Variants in PDE1C observed in about 807,000 individuals in gnomAD.
PDE1C encodes the protein phosphodiesterase 1C.
Under a neutral mutation model 93.1 loss-of-function variants are expected in PDE1C, and 62 were observed. That is an observed-to-expected ratio of 0.67 (90% CI 0.54 to 0.82). The LOEUF (loss-of-function observed/expected upper bound fraction) is 0.82, where lower values mean the gene tolerates loss of function less well. Among genes scored for constraint, PDE1C ranks in the 40% least tolerant of loss-of-function variants. The pLI, the probability that PDE1C is intolerant of heterozygous loss-of-function variation, is 0.00. For missense variants in PDE1C, 742 were observed against 884.6 expected, an observed-to-expected ratio of 0.84 and a Z score of 2.04; for synonymous variants, 325 against 310.1, an observed-to-expected ratio of 1.05 and a Z score of -0.50.
At chr7:32,104,286 G>GA (rs1397393670) in intron 3 of PDE1C, among the ~76,000 whole-genome samples, 2 of 152,052 alleles carry the variant, frequency 1.3e-5, no homozygotes, top group Non-Finnish European at 2.9e-5. Context: ...CAGAGAGGGT[G>GA]AAAAAAGTGC....
At chr7:31,644,010 A>C in the PDE1C span, 74 of 1,459,236 alleles carry the variant, frequency 5.1e-5, no homozygotes, top group Non-Finnish European at 6.4e-5. Flanking sequence ...TAAACACCTC[A>C]GGGATAATAT....
chr7:32,171,268 T>A (rs958731279), intron 2 of PDE1C, among the ~76,000 whole-genome samples: 4 of 152,100 alleles, frequency 2.6e-5, no homozygotes, highest in Admixed American at 2.0e-4. Flanking sequence ...GGAGAAAACA[T>A]TAGATAAACC....
At chr7:32,139,284 C>A (rs1464257991) in intron 3 of PDE1C, among the ~76,000 whole-genome samples, 1 of 146,042 alleles carries the variant, frequency 6.8e-6, no homozygotes, top group African/African-American at 2.5e-5. Context: ...TACAAGCAGG[C>A]AACACCAAAA....
At chr7:31,867,003 G>C (rs1795378451) in intron 6 of PDE1C, among the ~76,000 whole-genome samples, 1 of 152,006 alleles carries the variant, frequency 6.6e-6, no homozygotes, top group South Asian at 2.1e-4. Flanking sequence ...CTACAGCAAG[G>C]CACCATATTG....
At chr7:32,019,170 A>G (rs1584476059) in intron 2 of PDE1C, among the ~76,000 whole-genome samples, 3 of 151,544 alleles carry the variant, frequency 2.0e-5, no homozygotes, top group Admixed American at 2.0e-4. Flanking sequence ...AAAAAAAAAA[A>G]AGCAAACATG....
intron 1 of PDE1C, among the ~76,000 whole-genome samples, chr7:32,214,648 T>C (rs918961442): frequency 2.0e-5 from 3 of 152,230 alleles, no homozygotes; most frequent in Non-Finnish European, 4.4e-5. Flanking sequence ...TTCAGGATGC[T>C]GTTGCTTTGT....
At chr7:32,245,830 T>A (rs904761831) in intron 1 of PDE1C, among the ~76,000 whole-genome samples, 4 of 152,160 alleles carry the variant, frequency 2.6e-5, no homozygotes, top group African/African-American at 9.7e-5. Flanking sequence ...TAGCAAGCGC[T>A]CTGGGGTCTC....
intron 3 of PDE1C, chr7:32,077,863 T>A: frequency 1.0e-6 from 1 of 985,150 alleles, no homozygotes; most frequent in Non-Finnish European, 1.2e-6. Flanking sequence ...TTTATTATTA[T>A]TATTACCTCC....
At chr7:32,143,751 C>A (rs991202881) in intron 3 of PDE1C, among the ~76,000 whole-genome samples, 27 of 152,104 alleles carry the variant, frequency 1.8e-4, no homozygotes, top group South Asian at 1.2e-3. Context: ...TCTTTTTCTG[C>A]CAAATTTAGT....
the PDE1C span, among the ~76,000 whole-genome samples, chr7:31,657,473 G>A: frequency 5.9e-5 from 9 of 152,206 alleles, no homozygotes; most frequent in Non-Finnish European, 5.9e-5. Flanking sequence ...TCTGACGCTT[G>A]TAGTCAGGTA....
chr7:31,962,358 T>C (rs903203060), intron 2 of PDE1C, among the ~76,000 whole-genome samples: 2 of 152,200 alleles, frequency 1.3e-5, no homozygotes, highest in Non-Finnish European at 2.9e-5. Flanking sequence ...TTAGTGCTAC[T>C]TGCAACAGTT....
At chr7:32,104,482 G>C (rs1395483906) in intron 3 of PDE1C, among the ~76,000 whole-genome samples, 1 of 152,166 alleles carries the variant, frequency 6.6e-6, no homozygotes, top group Non-Finnish European at 1.5e-5. Context: ...AAAAAGAAAA[G>C]TATCCCTTTT....
intron 2 of PDE1C, among the ~76,000 whole-genome samples, chr7:32,205,553 C>A (rs892349665): frequency 6.6e-6 from 1 of 151,994 alleles, no homozygotes. Flanking sequence ...TAAAATGGAC[C>A]AATCAGCAGG....
chr7:32,154,784 C>T (rs915711528), intron 3 of PDE1C, among the ~76,000 whole-genome samples: 1 of 152,218 alleles, frequency 6.6e-6, no homozygotes, highest in Non-Finnish European at 1.5e-5. Flanking sequence ...TCTGGTGAGA[C>T]CACAGGTGTT....
chr7:32,123,737 A>G (rs1584806136), intron 3 of PDE1C, among the ~76,000 whole-genome samples: 1 of 152,206 alleles, frequency 6.6e-6, no homozygotes, highest in Non-Finnish European at 1.5e-5. Context: ...TTACAAACCC[A>G]CAGCCAATAT....
intron 6 of PDE1C, among the ~76,000 whole-genome samples, chr7:31,870,002 T>G (rs1440042481): frequency 7.2e-5 from 11 of 152,076 alleles, no homozygotes; most frequent in Admixed American, 7.2e-4. Flanking sequence ...AACATGTTCC[T>G]GATTTACCAT....
chr7:32,179,272 T>A (rs1455774892), intron 2 of PDE1C, among the ~76,000 whole-genome samples: 1 of 150,592 alleles, frequency 6.6e-6, no homozygotes, highest in East Asian at 1.9e-4. Context: ...AGTCTTTTTT[T>A]TTTTTTTTTT....
At chr7:32,384,281 T>C (rs1784586893) in intron 1 of PDE1C, among the ~76,000 whole-genome samples, 1 of 152,162 alleles carries the variant, frequency 6.6e-6, no homozygotes, top group African/African-American at 2.4e-5. Flanking sequence ...GATATGAAAA[T>C]AACACCTATA....
the PDE1C span, chr7:31,643,439 G>A: frequency 1.2e-6 from 2 of 1,613,972 alleles, no homozygotes; most frequent in Admixed American, 3.3e-5. Context: ...ATACTACCTG[G>A]GACAGAAGCT....
Sources: allele counts gnomAD v4.1 joint callset (sites outside exome capture counted in the v4.1 genomes callset), GRCh38; gene constraint gnomAD v4.1.1; transcripts MANE v1.5; gene names NCBI Gene and HGNC (gene_info 2026-07-23, HGNC 2026-07-21).